The following IL1RAPL1 variants were observed in gnomAD, a reference collection of about 807,000 sequenced individuals.
IL1RAPL1 encodes interleukin 1 receptor accessory protein like 1.
A neutral mutation model predicts 48.4 loss-of-function variants in IL1RAPL1; 3 were observed. That is an observed-to-expected ratio of 0.06 (90% confidence interval 0.03 to 0.16). The LOEUF (loss-of-function observed/expected upper bound fraction) is 0.16. Among genes scored for constraint, IL1RAPL1 ranks in the 10% least tolerant of loss-of-function variants. The probability of loss-of-function intolerance (pLI) is 1.00; values close to 1 mark genes in which losing one functional copy is unlikely to be tolerated. For synonymous variants in IL1RAPL1, 185 were observed against 187.7 expected, an observed-to-expected ratio of 0.99 and a Z score of 0.12; for missense variants, 349 against 530.6, an observed-to-expected ratio of 0.66 and a Z score of 3.36.
intron 3 of IL1RAPL1, among the ~76,000 whole-genome samples, chrX:29,372,966 C>T (rs1933566822): frequency 9.1e-6 from 1 of 110,152 alleles, no homozygotes; most frequent in African/African-American, 3.3e-5. Context: ...TGAAAAATGA[C>T]ACTTGTAGTT....
chrX:28,737,703 T>C (rs557343802), intron 1 of IL1RAPL1, among the ~76,000 whole-genome samples: 1 of 112,872 alleles, frequency 8.9e-6, no homozygotes. Flanking sequence ...ATAGAGATTT[T>C]ACATGGTTTA....
intron 2 of IL1RAPL1, among the ~76,000 whole-genome samples, chrX:28,816,142 C>T (rs939600579): frequency 1.9e-5 from 2 of 107,750 alleles, no homozygotes; most frequent in Admixed American, 2.0e-4. Flanking sequence ...ATGAGGTTTT[C>T]GCTTCCTTCG....
At position 28,872,592 on chromosome X, in the gene IL1RAPL1, A is replaced by AT. The variant is rs755999422; in HGVS notation, c.82+83177dup. 3.4e-3 allele frequency among the ~76,000 whole-genome samples: 367 copies of AT among 109,549 alleles called. 2 individuals are homozygous for AT. Among genetic ancestry groups the AT allele is most frequent in the East Asian group, 6.9e-3 (24 of 3,485 alleles). On this transcript the variant is annotated intron_variant, in intron 2 of 10. Transcript: ENST00000378993. ...AAAAGCAAACAAACAAACAAATTTG[A>AT]TTTTTTTTTTATTTTAACAGAGTAC...
intron 2 of IL1RAPL1, among the ~76,000 whole-genome samples, chrX:29,002,657 T>G (rs1007021726): frequency 8.9e-6 from 1 of 111,807 alleles, no homozygotes; most frequent in Non-Finnish European, 1.9e-5. Context: ...ATTTACATAT[T>G]GTTGGGAAAA....
chrX:29,569,645 CAA>C (rs1484582343), intron 5 of IL1RAPL1, among the ~76,000 whole-genome samples: 2 of 91,040 alleles, frequency 2.2e-5, no homozygotes, highest in African/African-American at 1.1e-4. Context: ...AAAAAAAAAA[CAA>C]CTGCCATTTT....
At chrX:29,428,430 T>C (rs903093592) in intron 5 of IL1RAPL1, among the ~76,000 whole-genome samples, 43 of 111,584 alleles carry the variant, frequency 3.9e-4, no homozygotes, top group African/African-American at 1.3e-3. Flanking sequence ...TATACTGTTA[T>C]GGCTTTCATC....
intron 2 of IL1RAPL1, among the ~76,000 whole-genome samples, chrX:29,218,595 A>G (rs754538027): frequency 8.9e-6 from 1 of 111,958 alleles, no homozygotes; most frequent in South Asian, 3.7e-4. Flanking sequence ...GTTGACTGCT[A>G]CCTAAAGATA....
intron 6 of IL1RAPL1, among the ~76,000 whole-genome samples, chrX:29,836,810 TC>T (rs1931018178): frequency 9.0e-6 from 1 of 111,156 alleles, no homozygotes; most frequent in Non-Finnish European, 1.9e-5. Flanking sequence ...ATATTATTAC[TC>T]CCCGTCACCA....
At chrX:28,884,676 A>T (rs1307049391) in intron 2 of IL1RAPL1, among the ~76,000 whole-genome samples, 4 of 111,886 alleles carry the variant, frequency 3.6e-5, no homozygotes, top group Non-Finnish European at 7.5e-5. Flanking sequence ...TTGAATTCTG[A>T]GATTGATTAC....
At chrX:28,730,716 C>A (rs1935744638) in intron 1 of IL1RAPL1, among the ~76,000 whole-genome samples, 1 of 111,535 alleles carries the variant, frequency 9.0e-6, no homozygotes, top group East Asian at 2.8e-4. Flanking sequence ...TTTATAGGTG[C>A]CAGTTCAGAA....
intron 5 of IL1RAPL1, among the ~76,000 whole-genome samples, chrX:29,421,945 A>G (rs963992033): frequency 5.4e-5 from 6 of 111,749 alleles, no homozygotes; most frequent in African/African-American, 2.0e-4. Flanking sequence ...TGAAAAATCA[A>G]CTCACAGAAA....
intron 2 of IL1RAPL1, among the ~76,000 whole-genome samples, chrX:29,269,901 T>C (rs769350892): frequency 9.0e-6 from 1 of 111,344 alleles, no homozygotes; most frequent in African/African-American, 3.3e-5. Context: ...AAAAGTTTCC[T>C]CATGGCCTTT....
At chrX:29,126,175 A>T (rs1026534354) in intron 2 of IL1RAPL1, among the ~76,000 whole-genome samples, 2 of 111,702 alleles carry the variant, frequency 1.8e-5, no homozygotes, top group Non-Finnish European at 3.8e-5. Flanking sequence ...CCAACAGAAT[A>T]ATTTCAAATT....
chrX:29,201,849 C>T (rs1479656749), intron 2 of IL1RAPL1, among the ~76,000 whole-genome samples: 1 of 111,224 alleles, frequency 9.0e-6, no homozygotes, highest in African/African-American at 3.3e-5. Flanking sequence ...TGCGCCACCA[C>T]GCCTGGCTAA....
chrX:29,099,324 A>T (rs1928283049), intron 2 of IL1RAPL1, among the ~76,000 whole-genome samples: 1 of 112,005 alleles, frequency 8.9e-6, no homozygotes, highest in African/African-American at 3.2e-5. Flanking sequence ...TCTGAAGGCC[A>T]TAAATTATAT....
intron 2 of IL1RAPL1, among the ~76,000 whole-genome samples, chrX:28,901,261 CAAAT>C (rs1175869198): frequency 8.9e-6 from 1 of 111,797 alleles, no homozygotes; most frequent in Non-Finnish European, 1.9e-5. Context: ...TAGGTGAAAA[CAAAT>C]AATACAATGA....
chrX:29,666,799 T>C, intron 5 of IL1RAPL1, among the ~76,000 whole-genome samples: 1 of 111,304 alleles, frequency 9.0e-6, no homozygotes, highest in Admixed American at 9.7e-5. Context: ...CGTCTACTTG[T>C]AACTACATAG....
At chrX:28,828,938 A>G (rs1920990323) in intron 2 of IL1RAPL1, among the ~76,000 whole-genome samples, 1 of 112,161 alleles carries the variant, frequency 8.9e-6, no homozygotes, top group African/African-American at 3.2e-5. Context: ...TTTGTCAATC[A>G]ATATGAAGGG....
chrX:29,040,132 T>C (rs1330622461), intron 2 of IL1RAPL1, among the ~76,000 whole-genome samples: 1 of 112,528 alleles, frequency 8.9e-6, no homozygotes, highest in Non-Finnish European at 1.9e-5. Context: ...ACATGAAATA[T>C]ATTTGTACTG....
Sources: allele counts gnomAD v4.1 joint callset (sites outside exome capture counted in the v4.1 genomes callset), GRCh38; gene constraint gnomAD v4.1.1; transcripts MANE v1.5; gene names NCBI Gene and HGNC (gene_info 2026-07-23, HGNC 2026-07-21).